The following GALNT17 variants were observed in gnomAD, a reference collection of about 807,000 sequenced individuals.
The protein encoded by GALNT17 is polypeptide N-acetylgalactosaminyltransferase 17, also known as UDP-GalNAc:polypeptide N-acetylgalactosaminyltransferase-like 3.
GALNT17 carries 29 observed loss-of-function variants against 63.7 expected under a neutral mutation model. The ratio of observed to expected loss-of-function variants is 0.46; its 90% CI spans 0.34 to 0.62. GALNT17 has a LOEUF of 0.62. GALNT17 is among the 20% of genes least tolerant of loss of function. The pLI is 0.01. For missense variants in GALNT17, 603 were observed against 799.6 expected (o/e 0.75, Z 2.97); for synonymous variants, 305 against 318.3 (o/e 0.96, Z 0.45).
At chr7:71,651,639 C>T (rs905882242) in intron 6 of GALNT17, among the ~76,000 whole-genome samples, 28 of 152,186 alleles carry the variant, frequency 1.8e-4, no homozygotes, top group Admixed American at 1.3e-4. Flanking sequence ...CCCTGGTCCT[C>T]TATGACAGTC....
intron 2 of GALNT17, among the ~76,000 whole-genome samples, chr7:71,354,481 A>G (rs1792246792): frequency 6.6e-6 from 1 of 152,204 alleles, no homozygotes; most frequent in Non-Finnish European, 1.5e-5. Context: ...ACTATACCGA[A>G]AATCATCAAT....
At position 71,241,563 on chromosome 7, in the gene GALNT17, C is replaced by G. The variant is rs77407564; in HGVS notation, c.239-93987C>G. Among the ~76,000 whole-genome samples the G allele has an allele frequency of 7.0e-3, 1,067 of 152,284 alleles. 14 individuals carry two copies. The highest frequency in any genetic ancestry group is 0.024 in the African/African-American group (1,010 of 41,546). ...GGCAAGGAGCATGCTTTACTCTTCCCTTTCCTCTTAGTCTGTTTGTGTTGC... is the reference window on the plus strand; with the variant it reads ...GGCAAGGAGCATGCTTTACTCTTCCGTTTCCTCTTAGTCTGTTTGTGTTGC... On this transcript the variant is annotated intron_variant, in intron 1 of 10. Coordinates refer to ENST00000333538, the MANE Select transcript of GALNT17 (RefSeq NM_022479.3).
At chr7:71,156,585 C>T (rs1043830694) in intron 1 of GALNT17, among the ~76,000 whole-genome samples, 3 of 140,396 alleles carry the variant, frequency 2.1e-5, no homozygotes, top group South Asian at 2.3e-4. Flanking sequence ...AGATGTCCTT[C>T]CTTCCTTCCT....
intron 1 of GALNT17, among the ~76,000 whole-genome samples, chr7:71,228,014 G>C (rs1789713360): frequency 6.6e-6 from 1 of 152,118 alleles, no homozygotes; most frequent in African/African-American, 2.4e-5. Context: ...GATAGAGGAG[G>C]AGACAGTGGC....
chr7:71,526,082 C>T (rs1788619743), intron 5 of GALNT17, among the ~76,000 whole-genome samples: 3 of 152,094 alleles, frequency 2.0e-5, no homozygotes, highest in Non-Finnish European at 1.5e-5. Context: ...GACCAATGCA[C>T]ACACCTATAA....
chr7:71,560,191 C>T (rs1164934264), intron 5 of GALNT17, among the ~76,000 whole-genome samples: 1 of 27,836 alleles, frequency 3.6e-5, no homozygotes, highest in Non-Finnish European at 7.3e-5. Context: ...GAGACTCCAT[C>T]TCAAAAAAAA....
intron 4 of GALNT17, among the ~76,000 whole-genome samples, chr7:71,419,413 CAT>C (rs762670206): frequency 9.8e-5 from 15 of 152,304 alleles, no homozygotes; most frequent in South Asian, 2.1e-4. Context: ...TTAGTCAACA[CAT>C]GTGAAATATT....
intron 2 of GALNT17, among the ~76,000 whole-genome samples, chr7:71,382,527 T>C (rs1261542097): frequency 6.6e-6 from 1 of 152,086 alleles, no homozygotes; most frequent in Non-Finnish European, 1.5e-5. Flanking sequence ...CAACTGCAGC[T>C]GTTCTGGGTG....
intron 1 of GALNT17, among the ~76,000 whole-genome samples, chr7:71,142,510 G>C (rs557335066): frequency 6.6e-6 from 1 of 152,346 alleles, no homozygotes; most frequent in South Asian, 2.1e-4. Flanking sequence ...ATATCCGTTA[G>C]TGAGCACTTC....
At chr7:71,287,100 T>C (rs58265841) in intron 1 of GALNT17, among the ~76,000 whole-genome samples, 6,939 of 151,780 alleles carry the variant, frequency 0.046, 538 homozygotes, top group African/African-American at 0.16. Context: ...CTTTTTGTTT[T>C]GTTTTTTGAG....
intron 1 of GALNT17, among the ~76,000 whole-genome samples, chr7:71,136,838 G>C (rs1309092158): frequency 6.6e-6 from 1 of 151,570 alleles, no homozygotes; most frequent in Non-Finnish European, 1.5e-5. Flanking sequence ...TCAGGCTGGA[G>C]TGCAGTGATG....
chr7:71,632,179 C>T (rs1790462147), intron 6 of GALNT17, among the ~76,000 whole-genome samples: 1 of 152,178 alleles, frequency 6.6e-6, no homozygotes, highest in South Asian at 2.1e-4. Context: ...CATTAAGGCT[C>T]AAGATAAGGA....
intron 1 of GALNT17, among the ~76,000 whole-genome samples, chr7:71,325,451 T>C (rs1283878486): frequency 1.3e-5 from 2 of 152,180 alleles, no homozygotes; most frequent in Admixed American, 1.3e-4. Context: ...AGGCACCAGA[T>C]TGCATTTTGC....
intron 6 of GALNT17, among the ~76,000 whole-genome samples, chr7:71,589,110 A>G (rs1425951520): frequency 1.3e-5 from 2 of 152,148 alleles, no homozygotes; most frequent in African/African-American, 2.4e-5. Context: ...AGAAGCCACA[A>G]TGAGGGGAAA....
intron 5 of GALNT17, among the ~76,000 whole-genome samples, chr7:71,477,145 T>G (rs1421779888): frequency 6.6e-6 from 1 of 152,230 alleles, no homozygotes; most frequent in Non-Finnish European, 1.5e-5. Flanking sequence ...ATCATCATCA[T>G]CATTATCATC....
Position 71,146,970 on chromosome 7 carries a change from A to G in GALNT17, c.238+13930A>G, listed in dbSNP as rs116551923. On this transcript the variant is annotated intron_variant, in intron 1 of 10. Transcript: ENST00000333538. Reference sequence around the variant, plus strand: ...GAGGCTAATTGTGTGATTAGTGTTTACTGAGGAATGTCCTGTAGTTACATA... The same window carrying G: ...GAGGCTAATTGTGTGATTAGTGTTTGCTGAGGAATGTCCTGTAGTTACATA... 3.7e-3 allele frequency among the ~76,000 whole-genome samples: 566 copies of G among 152,266 alleles called. 2 individuals carry two copies. The highest frequency in any genetic ancestry group is 0.013 in the African/African-American group (536 of 41,554).
At chr7:71,636,437 C>T (rs1321221907) in intron 6 of GALNT17, among the ~76,000 whole-genome samples, 1 of 152,114 alleles carries the variant, frequency 6.6e-6, no homozygotes, top group Non-Finnish European at 1.5e-5. Context: ...CACATCTCCC[C>T]TGTAACAGGA....
intron 6 of GALNT17, among the ~76,000 whole-genome samples, chr7:71,633,902 C>CGGGCAAGGCAGAGACAAAGGGGGTT: frequency 6.6e-6 from 1 of 152,178 alleles, no homozygotes; most frequent in Non-Finnish European, 1.5e-5. Context: ...GAGCCAGCCC[C>CGGGCAAGGCAGAGACAAAGGGGGTT]GGGCAAGGCA....
At chr7:71,285,527 T>A (rs193228494) in intron 1 of GALNT17, among the ~76,000 whole-genome samples, 1 of 152,342 alleles carries the variant, frequency 6.6e-6, no homozygotes, top group African/African-American at 2.4e-5. Context: ...TGGATGTTAG[T>A]GTGTTCCCAA....
Sources: gnomAD v4.1 joint callset for allele counts (sites outside exome capture counted in the v4.1 genomes callset) on GRCh38, gnomAD v4.1.1 for gene constraint, MANE v1.5 for transcripts, NCBI Gene and HGNC (gene_info 2026-07-23, HGNC 2026-07-21) for gene names.